Variants in CDH13 observed in about 807,000 individuals in gnomAD.
CDH13 encodes cadherin 13.
In CDH13, 24 loss-of-function variants were observed where a neutral mutation model predicts 63.8. The observed-to-expected ratio is 0.38, with a 90% CI of 0.27 to 0.53. The LOEUF (loss-of-function observed/expected upper bound fraction) is 0.53, where lower values mean the gene tolerates loss of function less well. CDH13 is among the 20% of genes least tolerant of loss of function. The probability of loss-of-function intolerance (pLI) is 0.85; values close to 1 mark genes in which losing one functional copy is unlikely to be tolerated. For missense variants in CDH13, 1,049 were observed against 903.1 expected (o/e 1.16, Z -2.07); for synonymous variants, 503 against 355.3 (o/e 1.42, Z -4.67).
chr16:83,680,679 TG>T (rs1195527599), intron 10 of CDH13, among the ~76,000 whole-genome samples: 1 of 152,146 alleles, frequency 6.6e-6, no homozygotes, highest in African/African-American at 2.4e-5. Context: ...GGGGAGAAGC[TG>T]GAACGCAGAA....
chr16:83,634,517 C>G (rs1343632376), intron 8 of CDH13, among the ~76,000 whole-genome samples: 1 of 151,852 alleles, frequency 6.6e-6, no homozygotes, highest in East Asian at 1.9e-4. Context: ...TCTCCTGCCT[C>G]AGCCTCCTGA....
chr16:83,020,856 C>G (rs1264083264), intron 2 of CDH13, among the ~76,000 whole-genome samples: 1 of 152,170 alleles, frequency 6.6e-6, no homozygotes, highest in Non-Finnish European at 1.5e-5. Context: ...GGGTCTGAAT[C>G]CCAATTTAGG....
At chr16:83,038,160 AG>A (rs1440257418) in intron 3 of CDH13, among the ~76,000 whole-genome samples, 1 of 152,240 alleles carries the variant, frequency 6.6e-6, no homozygotes, top group Non-Finnish European at 1.5e-5. Context: ...AGATTCTCTA[AG>A]GCAAATATAA....
chr16:83,424,045 A>C (rs2071805828), intron 6 of CDH13, among the ~76,000 whole-genome samples: 2 of 152,112 alleles, frequency 1.3e-5, no homozygotes, highest in African/African-American at 2.4e-5. Context: ...GAAATCCAAC[A>C]CGTACTGAAC....
chr16:83,132,423 T>G (rs1421055161), intron 4 of CDH13, among the ~76,000 whole-genome samples: 2 of 132,074 alleles, frequency 1.5e-5, no homozygotes, highest in East Asian at 4.7e-4. Context: ...GCTTAATTTC[T>G]ACCCCCCACC....
rs535140272 is a variant in CDH13 at position 83,458,906 on chromosome 16, T to A, written c.782-27571T>A. Among the ~76,000 whole-genome samples, 5 of 152,354 alleles carry A rather than the reference T, an allele frequency of 3.3e-5. No homozygotes were observed. The South Asian group carries it at 1.0e-3, about 32-fold the overall frequency. On this transcript the variant is annotated intron_variant, in intron 6 of 13. Coordinates refer to ENST00000567109, the MANE Select transcript of CDH13 (RefSeq NM_001257.5). The stretch of plus-strand genomic sequence containing the variant: ...AGAAAACATCCCATCATGCACTGCT[T>A]CTAGATATTGTCAAGAGAAGGGTAT...
intron 5 of CDH13, among the ~76,000 whole-genome samples, chr16:83,217,958 A>G (rs1275102820): frequency 3.9e-5 from 6 of 152,230 alleles, no homozygotes; most frequent in African/African-American, 1.2e-4. Flanking sequence ...TTCTCTAGCC[A>G]TTTAAAATGC....
Position 83,563,267 on chromosome 16 carries a change from T to A in CDH13, c.961-39187T>A, listed in dbSNP as rs114276371. On this transcript the variant is annotated intron_variant, in intron 7 of 13. Coordinates refer to ENST00000567109, the MANE Select transcript of CDH13 (RefSeq NM_001257.5). ...TACTAAATTATGACTTTGTGCAAGATTATTAACTCGGAGTGAATGGCTATT... is the reference window on the plus strand; with the variant it reads ...TACTAAATTATGACTTTGTGCAAGAATATTAACTCGGAGTGAATGGCTATT... Among the ~76,000 whole-genome samples, 804 of 152,326 alleles carry A rather than the reference T, an allele frequency of 5.3e-3. 11 individuals carry two copies. The highest frequency in any genetic ancestry group is 0.018 in the African/African-American group (768 of 41,570).
At chr16:83,077,295 G>A (rs531499824) in intron 3 of CDH13, among the ~76,000 whole-genome samples, 18 of 141,798 alleles carry the variant, frequency 1.3e-4, no homozygotes, top group South Asian at 1.2e-3. Flanking sequence ...GAGTTCGAGC[G>A]ATTCTTGTGT....
At chr16:83,597,887 A>C (rs1328843953) in intron 7 of CDH13, among the ~76,000 whole-genome samples, 1 of 152,222 alleles carries the variant, frequency 6.6e-6, no homozygotes, top group Non-Finnish European at 1.5e-5. Flanking sequence ...GAATTTGTAC[A>C]TACCTCTGCT....
intron 1 of CDH13, among the ~76,000 whole-genome samples, chr16:82,642,139 T>G (rs1909483736): frequency 6.7e-6 from 1 of 148,764 alleles, no homozygotes; most frequent in South Asian, 2.1e-4. Flanking sequence ...GTGTGTTCAC[T>G]AGTCGGGGCC....
At chr16:83,248,943 C>T (rs1270383886) in intron 5 of CDH13, among the ~76,000 whole-genome samples, 1 of 152,196 alleles carries the variant, frequency 6.6e-6, no homozygotes, top group African/African-American at 2.4e-5. Context: ...AACTCGTGCC[C>T]TGAATTTTGG....
chr16:83,739,402 T>C (rs1911850213), intron 10 of CDH13, among the ~76,000 whole-genome samples: 1 of 152,190 alleles, frequency 6.6e-6, no homozygotes, highest in African/African-American at 2.4e-5. Context: ...GTACCTGGTT[T>C]CCCCAGGATG....
intron 5 of CDH13, among the ~76,000 whole-genome samples, chr16:83,340,820 A>C (rs1352332807): frequency 6.6e-6 from 1 of 152,178 alleles, no homozygotes; most frequent in East Asian, 1.9e-4. Flanking sequence ...GCAACATTGG[A>C]TAACTGTTTC....
intron 1 of CDH13, among the ~76,000 whole-genome samples, chr16:82,759,156 A>G (rs2034734416): frequency 1.3e-5 from 2 of 152,194 alleles, no homozygotes; most frequent in South Asian, 2.1e-4. Flanking sequence ...CTGTGAGACA[A>G]TTGTGAGTCA....
chr16:83,286,194 C>T (rs900143078), intron 5 of CDH13, among the ~76,000 whole-genome samples: 5 of 152,206 alleles, frequency 3.3e-5, no homozygotes, highest in African/African-American at 1.2e-4. Flanking sequence ...AGTTTCGCCT[C>T]TAGGACCTGG....
At chr16:83,185,530 G>T (rs2038491633) in intron 4 of CDH13, among the ~76,000 whole-genome samples, 1 of 152,132 alleles carries the variant, frequency 6.6e-6, no homozygotes, top group East Asian at 1.9e-4. Context: ...TTTAAATTGT[G>T]CAGGTAATTT....
intron 1 of CDH13, among the ~76,000 whole-genome samples, chr16:82,794,746 G>C (rs948395395): frequency 1.3e-5 from 2 of 152,168 alleles, no homozygotes; most frequent in African/African-American, 4.8e-5. Context: ...ATGGTTTTCA[G>C]TTTGAGCTGT....
intron 7 of CDH13, among the ~76,000 whole-genome samples, chr16:83,530,738 C>A (rs1567741260): frequency 6.6e-6 from 1 of 151,976 alleles, no homozygotes; most frequent in South Asian, 2.1e-4. Context: ...CAGTGACTTT[C>A]CCAAGTCACT....
Sources: gnomAD v4.1 joint callset for allele counts (sites outside exome capture counted in the v4.1 genomes callset) on GRCh38, gnomAD v4.1.1 for gene constraint, MANE v1.5 for transcripts, NCBI Gene and HGNC (gene_info 2026-07-23, HGNC 2026-07-21) for gene names.